Variants in VAV3 observed in about 807,000 individuals in gnomAD.
VAV3 encodes guanine nucleotide exchange factor VAV3.
A neutral mutation model predicts 131.2 loss-of-function variants in VAV3; 94 were observed. The observed-to-expected ratio is 0.72, with a 90% CI of 0.61 to 0.85. VAV3 has a LOEUF of 0.85. Ranked by LOEUF, VAV3 falls within the 40% of genes least tolerant of loss-of-function variation. VAV3 has a pLI of 0.00. For synonymous variants in VAV3, 349 were observed against 342.0 expected, an observed-to-expected ratio of 1.02 and a Z score of -0.22; for missense variants, 939 against 1,002.7, an observed-to-expected ratio of 0.94 and a Z score of 0.86.
At chr1:107,845,857 C>A (rs7546856) in intron 2 of VAV3, among the ~76,000 whole-genome samples, 11,323 of 152,158 alleles carry the variant, frequency 0.074, 830 homozygotes, top group African/African-American at 0.19. Flanking sequence ...GAGAATGGAA[C>A]CAAGTTCAAA....
At chr1:107,739,240 C>T (rs977819058) in intron 15 of VAV3, among the ~76,000 whole-genome samples, 1 of 152,168 alleles carries the variant, frequency 6.6e-6, no homozygotes, top group Admixed American at 6.5e-5. Context: ...AATAACAAAA[C>T]AAGAATACTA....
At chr1:107,728,403 T>C (rs762000199) in intron 15 of VAV3, among the ~76,000 whole-genome samples, 6 of 152,140 alleles carry the variant, frequency 3.9e-5, no homozygotes, top group Non-Finnish European at 7.3e-5. Flanking sequence ...TGGGTCTGAC[T>C]GGATACGAAG....
At chr1:107,709,439 A>T (rs1036870538) in intron 15 of VAV3, among the ~76,000 whole-genome samples, 5 of 152,224 alleles carry the variant, frequency 3.3e-5, no homozygotes, top group Non-Finnish European at 7.3e-5. Context: ...TTAAGCCAAA[A>T]AAAATTACCT....
intron 7 of VAV3, among the ~76,000 whole-genome samples, chr1:107,768,096 G>A (rs984961066): frequency 6.6e-6 from 1 of 152,142 alleles, no homozygotes; most frequent in Admixed American, 6.6e-5. Flanking sequence ...AAGGTCTGAG[G>A]GTCTGGAAGA....
chr1:107,770,781 T>C (rs1664998277), intron 5 of VAV3, 53 bp from the exon 6 acceptor site: 6 of 1,416,460 alleles, frequency 4.2e-6, no homozygotes, highest in Admixed American at 1.9e-5. Flanking sequence ...TATATTAACC[T>C]ATCGGGAAGT....
At chr1:107,781,123 T>C (rs1665661920) in intron 2 of VAV3, among the ~76,000 whole-genome samples, 1 of 152,112 alleles carries the variant, frequency 6.6e-6, no homozygotes, top group African/African-American at 2.4e-5. Flanking sequence ...CTCCTGGCTT[T>C]GGAGTAAGAA....
chr1:107,717,664 G>T (rs1661195390), intron 15 of VAV3, among the ~76,000 whole-genome samples: 1 of 152,100 alleles, frequency 6.6e-6, no homozygotes, highest in Admixed American at 6.6e-5. Flanking sequence ...CCAACAATGT[G>T]GTCAATTTTG....
rs377399700 is a variant in VAV3, at chr1:107,718,888, A to T, written c.1503-13827T>A. 7.2e-5 allele frequency among the ~76,000 whole-genome samples: 11 copies of T among 152,262 alleles called. No homozygotes were observed. In the East Asian group the frequency reaches 1.4e-3, roughly 19 times the overall value. On this transcript the variant is annotated intron_variant, in intron 15 of 26. Coordinates refer to ENST00000370056, the MANE Select transcript of VAV3 (RefSeq NM_006113.5). ...AGACCAATGGAACAGAACAGAGGCC[A>T]CAGAAATAACACCACACATCTACAA...
At chr1:107,769,345 A>T (rs933600596) in intron 6 of VAV3, among the ~76,000 whole-genome samples, 9 of 152,194 alleles carry the variant, frequency 5.9e-5, no homozygotes, top group African/African-American at 2.2e-4. Context: ...GACATTACCG[A>T]TCGTCTAATT....
chr1:107,889,132 A>AGAGTGTGTGTGT (rs1553226404), intron 1 of VAV3, among the ~76,000 whole-genome samples: 12 of 142,036 alleles, frequency 8.4e-5, no homozygotes, highest in African/African-American at 3.2e-4. Flanking sequence ...TCCTGTGTAG[A>AGAGTGTGTGTGT]GTGTGTGTGT....
intron 26 of VAV3, 127 bp from the exon 27 acceptor site, chr1:107,573,499 G>C: frequency 9.3e-7 from 1 of 1,079,906 alleles, no homozygotes; most frequent in Admixed American, 2.5e-5. Flanking sequence ...CATTGTAGGT[G>C]AGAAGATTGG....
chr1:107,705,188 A>T, intron 15 of VAV3, 127 bp from the exon 16 acceptor site: 1 of 713,408 alleles, frequency 1.4e-6, no homozygotes, highest in Non-Finnish European at 2.4e-6. Context: ...ATGACTACTA[A>T]ATGTGCAATG....
intron 19 of VAV3, among the ~76,000 whole-genome samples, chr1:107,647,606 T>C (rs1655831460): frequency 6.6e-6 from 1 of 152,026 alleles, no homozygotes; most frequent in African/African-American, 2.4e-5. Flanking sequence ...TTCAGAAATT[T>C]TCCTTTCATA....
At chr1:107,576,431 A>G in intron 25 of VAV3, 2 of 1,525,038 alleles carry the variant, frequency 1.3e-6, no homozygotes, top group Non-Finnish European at 1.8e-6. Flanking sequence ...ACAAAGCTGT[A>G]GTCTGGAGGA....
chr1:107,574,307 A>G, intron 25 of VAV3, 109 bp from the exon 26 acceptor site: 1 of 1,349,774 alleles, frequency 7.4e-7, no homozygotes, highest in South Asian at 1.6e-5. Flanking sequence ...TCGTGATTTC[A>G]TTACAGACCA....
chr1:107,832,195 C>T (rs763929535), intron 2 of VAV3, among the ~76,000 whole-genome samples: 38 of 152,278 alleles, frequency 2.5e-4, no homozygotes, highest in Non-Finnish European at 3.2e-4. Context: ...GCCAGGGAAA[C>T]GTTGCTAATG....
At chr1:107,730,769 T>A (rs1370939219) in intron 15 of VAV3, among the ~76,000 whole-genome samples, 1 of 152,164 alleles carries the variant, frequency 6.6e-6, no homozygotes, top group African/African-American at 2.4e-5. Context: ...ATCTAGTGAA[T>A]GAATATGCTA....
intron 20 of VAV3, among the ~76,000 whole-genome samples, chr1:107,637,714 C>T (rs530084164): frequency 6.6e-6 from 1 of 152,174 alleles, no homozygotes; most frequent in African/African-American, 2.4e-5. Flanking sequence ...AATTCTACGA[C>T]ACACTTCAGG....
intron 21 of VAV3, among the ~76,000 whole-genome samples, chr1:107,610,200 G>A (rs1185859574): frequency 1.3e-5 from 2 of 152,138 alleles, no homozygotes; most frequent in African/African-American, 4.8e-5. Context: ...GTAACTCTAA[G>A]AGGAGAGATA....
Sources: gnomAD v4.1 joint callset for allele counts (sites outside exome capture counted in the v4.1 genomes callset) on GRCh38, gnomAD v4.1.1 for gene constraint, MANE v1.5 for transcripts, NCBI Gene and HGNC (gene_info 2026-07-23, HGNC 2026-07-21) for gene names.